The following PHACTR2 variants were observed in gnomAD, a reference collection of about 807,000 sequenced individuals.
The protein encoded by PHACTR2 is chromosome 6 open reading frame 56.
A neutral mutation model predicts 76.0 loss-of-function variants in PHACTR2; 30 were observed. The ratio of observed to expected loss-of-function variants is 0.39; its 90% CI spans 0.30 to 0.54. The LOEUF (loss-of-function observed/expected upper bound fraction) is 0.54, where lower values mean the gene tolerates loss of function less well. PHACTR2 is among the 20% of genes least tolerant of loss of function. The pLI, the probability that PHACTR2 is intolerant of heterozygous loss-of-function variation, is 0.61. For synonymous variants in PHACTR2, 292 were observed against 292.5 expected (o/e 1.00, Z 0.02); for missense variants, 696 against 781.1 (o/e 0.89, Z 1.30).
Position 143,608,313 on chromosome 6 carries a change from G to C in PHACTR2, c.4G>C (p.Asp2His), listed in dbSNP as rs41285023. The C allele has an allele frequency of 1.9e-6, 3 of 1,614,146 alleles. No individual in the cohort carries two copies. The highest frequency in any genetic ancestry group is 2.5e-6 in the Non-Finnish European group (3 of 1,179,990). Reference sequence around the variant, plus strand: ...CTCGCCTCGCCACTCCTGAGACATGGACAACGCCGGTGGGTAAATCAAGCA... The same window carrying C: ...CTCGCCTCGCCACTCCTGAGACATGCACAACGCCGGTGGGTAAATCAAGCA... Residue 2 changes from aspartate (D) to histidine (H), a missense_variant, in exon 1 of 12, where the codon GAC (aspartate) becomes CAC (histidine). Transcript: ENST00000305766. This position sits in a 1 kb window ranked among gnomAD's most constrained non-coding sequence, Gnocchi z 4.6.
Position 143,543,036 on chromosome 6 carries a change from T to G in PHACTR2, c.217+5829T>G, listed in dbSNP as rs1395970802. The stretch of plus-strand genomic sequence containing the variant: ...AAGGTGAGCAGATGTGATTCTGTGA[T>G]TCTGGAGTTAGACTGAAAGCAGAGA... On this transcript the variant is annotated intron_variant, in intron 1 of 11. Coordinates refer to the PHACTR2 transcript ENST00000367584. The surrounding 1 kb of genome is among the most constrained non-coding windows in gnomAD (Gnocchi z 4.7). 6.6e-6 allele frequency among the ~76,000 whole-genome samples: 1 copy of G among 152,242 alleles called. No homozygotes were observed. Among genetic ancestry groups the G allele is most frequent in the Non-Finnish European group, 1.5e-5 (1 of 68,046 alleles).
intron 1 of PHACTR2, 119 bp from the exon 2 acceptor site, chr6:143,711,897 T>C (rs1441389605): frequency 2.3e-6 from 2 of 872,514 alleles, no homozygotes; most frequent in Non-Finnish European, 3.9e-6. Context: ...ATAAACTTTA[T>C]GTGAGATTCC....
rs565147861 is a variant in PHACTR2 at position 143,731,534 on chromosome 6, G to A, written c.215-17451G>A. 7.9e-5 allele frequency among the ~76,000 whole-genome samples: 12 copies of A among 152,150 alleles called. No homozygotes were observed. The highest frequency in any genetic ancestry group is 2.0e-4 in the Admixed American group (3 of 15,278). On this transcript the variant is annotated intron_variant, in intron 2 of 12. Coordinates refer to ENST00000440869, the MANE Select transcript of PHACTR2 (RefSeq NM_001100164.2). The surrounding 1 kb of genome is among the most constrained non-coding windows in gnomAD (Gnocchi z 4.9). ...ACTCTGGACCTCAGGTGATCTGCCC[G>A]CCTCGGCCTCCCAAAGTGCTGGGAT...
At chr6:143,812,660 G>A (rs1776204141) in intron 12 of PHACTR2, among the ~76,000 whole-genome samples, 2 of 152,178 alleles carry the variant, frequency 1.3e-5, no homozygotes, top group African/African-American at 2.4e-5. Context: ...AAGTCATCCC[G>A]TGGCCCTATA....
At chr6:143,779,940 T>G (rs1428355620) in intron 9 of PHACTR2, among the ~76,000 whole-genome samples, 2 of 147,636 alleles carry the variant, frequency 1.4e-5, no homozygotes, top group Non-Finnish European at 3.0e-5. Context: ...TTATATTATA[T>G]TATATTATAT....
At chr6:143,637,654 G>C (rs1394561957) in intron 1 of PHACTR2, among the ~76,000 whole-genome samples, 1 of 152,190 alleles carries the variant, frequency 6.6e-6, no homozygotes, top group Non-Finnish European at 1.5e-5. Flanking sequence ...TCATGTGGAG[G>C]CTTGACTGGG....
At chr6:143,728,835 G>A (rs774578398) in intron 2 of PHACTR2, among the ~76,000 whole-genome samples, 10 of 151,848 alleles carry the variant, frequency 6.6e-5, no homozygotes, top group East Asian at 1.9e-4. Context: ...AAAAATCAAC[G>A]CAAAATGGAT....
chr6:143,613,363 C>CA (rs1273148128), intron 1 of PHACTR2, among the ~76,000 whole-genome samples: 2 of 152,082 alleles, frequency 1.3e-5, no homozygotes, highest in African/African-American at 4.8e-5. Context: ...CTAGTATTAC[C>CA]AAAATAACTG....
chr6:143,747,620 G>C (rs1258556722), intron 2 of PHACTR2, among the ~76,000 whole-genome samples: 30 of 152,126 alleles, frequency 2.0e-4, no homozygotes, highest in Non-Finnish European at 7.3e-5. Context: ...AGTAGGAATC[G>C]GGGAACGTCA....
rs1406578680 is a variant in PHACTR2 at position 143,700,759 on chromosome 6, C to G, written c.47-11257C>G. 6.6e-6 allele frequency among the ~76,000 whole-genome samples: 1 copy of G among 152,124 alleles called. No homozygotes were observed. The highest frequency in any genetic ancestry group is 2.4e-5 in the African/African-American group (1 of 41,396). ...AGATTGTCCATTGGGGATATATCAG[C>G]TTTTTCTTCCTTTTCACAAACACAG... On this transcript the variant is annotated intron_variant, in intron 1 of 12. Transcript: ENST00000440869. This position sits in a 1 kb window ranked among gnomAD's most constrained non-coding sequence, Gnocchi z 4.1.
At chr6:143,676,173 G>A (rs991100258), upstream of PHACTR2, among the ~76,000 whole-genome samples, 3 of 152,160 alleles carry the variant, frequency 2.0e-5, no homozygotes, top group Admixed American at 6.5e-5. The surrounding 1 kb of genome is among the most constrained non-coding windows in gnomAD (Gnocchi z 4.8). Flanking sequence ...AACCTGGTTA[G>A]GGTATTATAG....
At chr6:143,594,866 C>T (rs758914806) in intron 1 of PHACTR2, among the ~76,000 whole-genome samples, 3 of 152,204 alleles carry the variant, frequency 2.0e-5, no homozygotes, top group Non-Finnish European at 4.4e-5. Context: ...TGCTGGCTGC[C>T]GTTGCTGTCA....
Position 143,819,034 on chromosome 6 carries a change from C to T in PHACTR2, c.1923-4640C>T, listed in dbSNP as rs1776360097. On this transcript the variant is annotated intron_variant, in intron 12 of 12. Transcript: ENST00000440869. This position sits in a 1 kb window ranked among gnomAD's most constrained non-coding sequence, Gnocchi z 5.0. ...AGGTGGGTTATTGTATATTAGTATA[C>T]ATTTACTTGTAATTAAGTTTAGGGG... Among the ~76,000 whole-genome samples the T allele has an allele frequency of 6.6e-6, 1 of 152,088 alleles. No individual in the cohort carries two copies. The highest frequency in any genetic ancestry group is 2.1e-4 in the South Asian group (1 of 4,828).
intron 2 of PHACTR2, among the ~76,000 whole-genome samples, chr6:143,747,564 G>A (rs1480111952): frequency 6.6e-6 from 1 of 152,166 alleles, no homozygotes; most frequent in Non-Finnish European, 1.5e-5. Flanking sequence ...TAGTTGAAAC[G>A]ATGTTGTCTA....
Position 143,783,942 on chromosome 6 carries a change from C to T in PHACTR2, c.1707+662C>T, listed in dbSNP as rs1775490360. On this transcript the variant is annotated intron_variant, in intron 10 of 12. Transcript: ENST00000440869. The surrounding 1 kb of genome is among the most constrained non-coding windows in gnomAD (Gnocchi z 5.2). ...AGCTGAGGCAGGAGGATTGCTTGAG[C>T]CCAGGAGGTCAAGACCAGCCTGGAC... 6.6e-6 allele frequency among the ~76,000 whole-genome samples: 1 copy of T among 151,412 alleles called. No individual in the cohort carries two copies. Among genetic ancestry groups the T allele is most frequent in the Admixed American group, 6.6e-5 (1 of 15,202 alleles).
At position 143,795,241 on chromosome 6, in the gene PHACTR2, C is replaced by T. The variant is rs901827421; in HGVS notation, c.1845+6331C>T. Among the ~76,000 whole-genome samples, 1 of 152,030 alleles carries T rather than the reference C, an allele frequency of 6.6e-6. No homozygotes were observed. The highest frequency in any genetic ancestry group is 1.5e-5 in the Non-Finnish European group (1 of 68,008). Reference sequence around the variant, plus strand: ...CCAGCCTGAGCAACATAGCAAGACCCTCTCTCTACAAAAACTAAAAAAATT... The same window carrying T: ...CCAGCCTGAGCAACATAGCAAGACCTTCTCTCTACAAAAACTAAAAAAATT... On this transcript the variant is annotated intron_variant, in intron 11 of 12. Coordinates refer to ENST00000440869, the MANE Select transcript of PHACTR2 (RefSeq NM_001100164.2). This position sits in a 1 kb window ranked among gnomAD's most constrained non-coding sequence, Gnocchi z 4.8.
Position 143,816,533 on chromosome 6 carries a change from T to C in PHACTR2, c.1923-7141T>C, listed in dbSNP as rs1046906817. Among the ~76,000 whole-genome samples, 3 of 152,190 alleles carry C rather than the reference T, an allele frequency of 2.0e-5. No homozygotes were observed. Among genetic ancestry groups the C allele is most frequent in the African/African-American group, 7.2e-5 (3 of 41,434 alleles). On this transcript the variant is annotated intron_variant, in intron 12 of 12. Coordinates refer to ENST00000440869, the MANE Select transcript of PHACTR2 (RefSeq NM_001100164.2). The surrounding 1 kb of genome is among the most constrained non-coding windows in gnomAD (Gnocchi z 4.5). The stretch of plus-strand genomic sequence containing the variant: ...GGGTCATAGTTCTGACCTCTGGCTT[T>C]GTGAGCATATTATTGCACGCACGGT...
chr6:143,802,342 A>G (rs971392581), intron 11 of PHACTR2, among the ~76,000 whole-genome samples: 2 of 152,084 alleles, frequency 1.3e-5, no homozygotes, highest in Non-Finnish European at 2.9e-5. Flanking sequence ...ATGTCTTTCA[A>G]CAAAATCAGT....
Position 143,609,839 on chromosome 6 carries a change from C to T in PHACTR2, c.13+1517C>T, listed in dbSNP as rs79567633. Reference sequence around the variant, plus strand: ...ACTCCTGTGGCAGACTTTATGTAGGCTTAAAAATGCTAAGGGTTATTTTTC... The same window carrying T: ...ACTCCTGTGGCAGACTTTATGTAGGTTTAAAAATGCTAAGGGTTATTTTTC... On this transcript the variant is annotated intron_variant, in intron 1 of 11. Transcript: ENST00000305766. Among the ~76,000 whole-genome samples, 971 of 152,240 alleles carry T rather than the reference C, an allele frequency of 6.4e-3. 22 individuals carry two copies. In the East Asian group the frequency reaches 0.091, roughly 14 times the overall value.
Sources: gnomAD v4.1 joint callset for allele counts (sites outside exome capture counted in the v4.1 genomes callset) on GRCh38, gnomAD v4.1.1 for gene constraint, Gnocchi (gnomAD v3.1) non-coding constraint, MANE v1.5 for transcripts, NCBI Gene and HGNC (gene_info 2026-07-23, HGNC 2026-07-21) for gene names.